CHODL: variants seen among roughly 807,000 people sequenced by gnomAD.
CHODL encodes the protein transmembrane protein MT75.
In CHODL, 29 loss-of-function variants were observed where a neutral mutation model predicts 34.5. The observed-to-expected ratio is 0.84, with a 90% CI of 0.63 to 1.15. CHODL has a LOEUF of 1.15. Among genes scored for constraint, CHODL ranks in the 50% most tolerant of loss-of-function variants. CHODL has a pLI of 0.00. For synonymous variants in CHODL, 125 were observed against 116.1 expected (o/e 1.08, Z -0.49); for missense variants, 332 against 332.5 (o/e 1.00, Z 0.01).
chr21:18,086,598 C>G (rs140961877), intron 2 of CHODL, among the ~76,000 whole-genome samples: 3 of 152,102 alleles, frequency 2.0e-5, no homozygotes, highest in Admixed American at 1.3e-4. Flanking sequence ...TGTATGACTA[C>G]TTTGGTTGTA....
intron 1 of CHODL, among the ~76,000 whole-genome samples, chr21:18,253,206 A>ATATATT (rs1472674568): frequency 2.0e-5 from 3 of 152,094 alleles, no homozygotes; most frequent in African/African-American, 7.2e-5. Flanking sequence ...AGGGATAATG[A>ATATATT]ACAGTGACTT....
At chr21:18,215,059 T>G (rs186893752) in intron 2 of CHODL, among the ~76,000 whole-genome samples, 5 of 152,162 alleles carry the variant, frequency 3.3e-5, no homozygotes, top group Admixed American at 2.6e-4. Context: ...AATAAATAAT[T>G]TTCACAAAGA....
At chr21:18,065,327 C>T (rs154745) in intron 2 of CHODL, among the ~76,000 whole-genome samples, 123,655 of 152,114 alleles carry the variant, frequency 0.81, 51,142 homozygotes, top group East Asian at 1. Context: ...TAAACCCTAA[C>T]AGACTGCTTG....
chr21:18,233,174 A>G (rs1455887661), intron 2 of CHODL, among the ~76,000 whole-genome samples: 3 of 151,802 alleles, frequency 2.0e-5, no homozygotes, highest in African/African-American at 4.8e-5. Context: ...TTCTGCTTCT[A>G]TGAGATGGAT....
At chr21:18,097,651 G>A (rs1024148213) in intron 2 of CHODL, among the ~76,000 whole-genome samples, 2 of 151,976 alleles carry the variant, frequency 1.3e-5, no homozygotes, top group African/African-American at 4.8e-5. Flanking sequence ...ACTCAAAGCA[G>A]TCTACAGAGT....
intron 1 of CHODL, among the ~76,000 whole-genome samples, chr21:18,014,775 C>A (rs2064055516): frequency 6.6e-6 from 1 of 152,222 alleles, no homozygotes; most frequent in Non-Finnish European, 1.5e-5. Context: ...AGAAGGCGAG[C>A]AGAGGCTAAT....
intron 1 of CHODL, among the ~76,000 whole-genome samples, chr21:17,967,600 TAACATGTTA>T (rs1465161315): frequency 1.3e-5 from 2 of 152,222 alleles, no homozygotes; most frequent in Non-Finnish European, 2.9e-5. Context: ...TCCTATGTAG[TAACATGTTA>T]CCTCAAAATG....
At position 17,996,918 on chromosome 21, in the gene CHODL, A is replaced by G. The variant is rs548596863; in HGVS notation, c.-144-30954A>G. Among the ~76,000 whole-genome samples the G allele has an allele frequency of 5.7e-4, 87 of 152,328 alleles. 1 individual carries two copies. The highest frequency in any genetic ancestry group is 2.1e-3 in the African/African-American group (86 of 41,584). ...AATTCTATGAGGGTAAAGATTAAAC[A>G]TGATTAGAGAATTTTTATTAGCTAA... On this transcript the variant is annotated intron_variant, in intron 1 of 6. Transcript: ENST00000400127.
At chr21:18,123,396 T>C (rs192605652) in intron 2 of CHODL, among the ~76,000 whole-genome samples, 98 of 152,310 alleles carry the variant, frequency 6.4e-4, no homozygotes, top group Admixed American at 3.7e-3. Flanking sequence ...TCCTAAGTAG[T>C]AGGTTTCAAT....
chr21:18,144,684 C>G (rs1366151288), intron 2 of CHODL, among the ~76,000 whole-genome samples: 2 of 152,098 alleles, frequency 1.3e-5, no homozygotes, highest in East Asian at 3.9e-4. Flanking sequence ...AATGTTGAAT[C>G]TGTTTCTTAC....
At chr21:17,920,882 G>A (rs2063178550) in intron 1 of CHODL, among the ~76,000 whole-genome samples, 1 of 152,182 alleles carries the variant, frequency 6.6e-6, no homozygotes, top group Non-Finnish European at 1.5e-5. Context: ...TAAAAAGATG[G>A]ATTTAATACA....
At chr21:18,009,887 C>CAAAAAAAAAAAAAAA (rs71189575) in intron 1 of CHODL, among the ~76,000 whole-genome samples, 1 of 94,794 alleles carries the variant, frequency 1.1e-5, no homozygotes, top group Non-Finnish European at 2.0e-5. Context: ...GACTCCGTCT[C>CAAAAAAAAAAAAAAA]AAAAAAAAAA....
At chr21:18,017,631 A>G (rs1031335485) in intron 1 of CHODL, among the ~76,000 whole-genome samples, 8 of 152,204 alleles carry the variant, frequency 5.3e-5, no homozygotes, top group African/African-American at 1.7e-4. Flanking sequence ...CTAGGTTTTC[A>G]GGCGGAAGCT....
chr21:18,110,793 G>C (rs1451824186), intron 2 of CHODL, among the ~76,000 whole-genome samples: 1 of 152,172 alleles, frequency 6.6e-6, no homozygotes, highest in East Asian at 1.9e-4. Context: ...CTAAGTAACA[G>C]ACATGCAGTG....
chr21:18,250,891 C>T (rs1366920514), intron 1 of CHODL, among the ~76,000 whole-genome samples: 1 of 151,498 alleles, frequency 6.6e-6, no homozygotes, highest in Non-Finnish European at 1.5e-5. Flanking sequence ...CATAATTGAA[C>T]AGCAGGAATT....
At chr21:17,971,148 G>C (rs969371264) in intron 1 of CHODL, among the ~76,000 whole-genome samples, 1 of 152,160 alleles carries the variant, frequency 6.6e-6, no homozygotes, top group African/African-American at 2.4e-5. Context: ...GGGCATTTGG[G>C]TTGGTTCCAA....
chr21:18,139,641 C>T (rs1264206406), intron 2 of CHODL, among the ~76,000 whole-genome samples: 2 of 152,110 alleles, frequency 1.3e-5, no homozygotes, highest in South Asian at 2.1e-4. Flanking sequence ...CTCTGATATG[C>T]TGAGACTTTG....
intron 1 of CHODL, among the ~76,000 whole-genome samples, chr21:17,965,722 A>G (rs564567767): frequency 5.3e-4 from 80 of 152,276 alleles, no homozygotes; most frequent in Non-Finnish European, 8.2e-4. Flanking sequence ...CACAGCACAT[A>G]TAATAATGGC....
chr21:18,251,642 TA>T (rs2074252041), intron 1 of CHODL, among the ~76,000 whole-genome samples: 1 of 130,778 alleles, frequency 7.6e-6, no homozygotes, highest in African/African-American at 3.0e-5. Context: ...TTATTTATTT[TA>T]ATATATAAAA....
Sources: allele counts gnomAD v4.1 joint callset (sites outside exome capture counted in the v4.1 genomes callset), GRCh38; gene constraint gnomAD v4.1.1; transcripts MANE v1.5; gene names NCBI Gene and HGNC (gene_info 2026-07-23, HGNC 2026-07-21).